ABLIM1: variants seen among roughly 807,000 people sequenced by gnomAD.
ABLIM1 encodes actin-binding LIM protein 1.
A neutral mutation model predicts 107.0 loss-of-function variants in ABLIM1; 40 were observed. The observed-to-expected ratio is 0.37, with a 90% CI of 0.29 to 0.49. The LOEUF (loss-of-function observed/expected upper bound fraction) is 0.49, where lower values mean the gene tolerates loss of function less well. Among genes scored for constraint, ABLIM1 ranks in the 20% least tolerant of loss-of-function variants. The pLI, the probability that ABLIM1 is intolerant of heterozygous loss-of-function variation, is 0.97. For missense variants in ABLIM1, 857 were observed against 1,008.5 expected (o/e 0.85, Z 2.04); for synonymous variants, 357 against 357.3 (o/e 1.00, Z 0.01).
intron 4 of ABLIM1, among the ~76,000 whole-genome samples, chr10:114,561,488 A>C (rs2069691523): frequency 6.6e-6 from 1 of 152,236 alleles, no homozygotes; most frequent in Non-Finnish European, 1.5e-5. Context: ...TGGGAAATAC[A>C]CTAAAAATCA....
At chr10:114,744,078 G>T (rs930459817) in intron 1 of ABLIM1, among the ~76,000 whole-genome samples, 2 of 152,204 alleles carry the variant, frequency 1.3e-5, no homozygotes, top group African/African-American at 4.8e-5. Context: ...AGAAGCAGAA[G>T]TTTCGTGATG....
At chr10:114,783,065 T>C in the ABLIM1 span, among the ~76,000 whole-genome samples, 1 of 151,974 alleles carries the variant, frequency 6.6e-6, no homozygotes, top group African/African-American at 2.4e-5. Flanking sequence ...ATGGATCACT[T>C]GATGTCAGGT....
At chr10:114,455,791 A>G (rs1209468252) in intron 12 of ABLIM1, among the ~76,000 whole-genome samples, 1 of 151,758 alleles carries the variant, frequency 6.6e-6, no homozygotes, top group Non-Finnish European at 1.5e-5. Context: ...CTTAATATCA[A>G]CAGGTTACAG....
chr10:114,508,084 C>T (rs928401847), intron 6 of ABLIM1, among the ~76,000 whole-genome samples: 1 of 152,232 alleles, frequency 6.6e-6, no homozygotes, highest in Non-Finnish European at 1.5e-5. Context: ...CTCAGAAACC[C>T]TTTACTGAGC....
chr10:114,442,444 G>A (rs2060328969), intron 17 of ABLIM1, among the ~76,000 whole-genome samples: 1 of 152,172 alleles, frequency 6.6e-6, no homozygotes, highest in African/African-American at 2.4e-5. Flanking sequence ...CTCCGGACAT[G>A]GTGTTTAATC....
At chr10:114,674,291 A>G (rs1331882939) in intron 1 of ABLIM1, among the ~76,000 whole-genome samples, 1 of 114,136 alleles carries the variant, frequency 8.8e-6, no homozygotes, top group East Asian at 1.1e-3. Context: ...CTCTGTCACA[A>G]AAAAAAAAAA....
chr10:114,799,482 C>G, the ABLIM1 span, among the ~76,000 whole-genome samples: 1 of 152,086 alleles, frequency 6.6e-6, no homozygotes, highest in African/African-American at 2.4e-5. Context: ...AACTCTTGAT[C>G]CCCCCCTCCA....
At chr10:114,718,730 C>T (rs74158044) in intron 1 of ABLIM1, among the ~76,000 whole-genome samples, 8,255 of 152,238 alleles carry the variant, frequency 0.054, 349 homozygotes, top group African/African-American at 0.11. Flanking sequence ...AACAATGCTC[C>T]CATTTTTGCC....
Position 114,456,575 on chromosome 10 carries a change from G to A in ABLIM1, c.1442-3092C>T, listed in dbSNP as rs560138501. On this transcript the variant is annotated intron_variant, in intron 12 of 22. Transcript: ENST00000533213. ...ATCAGATGTTTCCAGGAAAGTTCTC[G>A]TAGGTTTTGGTTATAATACACAATC... 1.5e-4 allele frequency among the ~76,000 whole-genome samples: 23 copies of A among 152,244 alleles called. No homozygotes were observed. In the East Asian group the frequency reaches 2.1e-3, roughly 14 times the overall value.
chr10:114,784,031 A>G, the ABLIM1 span, among the ~76,000 whole-genome samples: 1 of 151,984 alleles, frequency 6.6e-6, no homozygotes, highest in East Asian at 1.9e-4. Flanking sequence ...TGAGGGTAAG[A>G]AAGGACAATG....
At chr10:114,685,653 T>G (rs1309034793), upstream of ABLIM1, among the ~76,000 whole-genome samples, 2 of 152,154 alleles carry the variant, frequency 1.3e-5, no homozygotes, top group Non-Finnish European at 2.9e-5. Flanking sequence ...AGACAAAGAA[T>G]CACAACTGGA....
intron 1 of ABLIM1, among the ~76,000 whole-genome samples, chr10:114,650,980 A>G (rs985996357): frequency 6.6e-6 from 1 of 152,170 alleles, no homozygotes; most frequent in African/African-American, 2.4e-5. Flanking sequence ...GAGAAAACTA[A>G]GGCTCGGACA....
chr10:114,696,663 T>C (rs999661955), intron 1 of ABLIM1, among the ~76,000 whole-genome samples: 5 of 152,146 alleles, frequency 3.3e-5, no homozygotes, highest in Non-Finnish European at 7.4e-5. Flanking sequence ...GCTCTCATTC[T>C]CTCTTGCCTG....
chr10:114,625,994 T>C (rs1462263698), intron 1 of ABLIM1, among the ~76,000 whole-genome samples: 2 of 152,170 alleles, frequency 1.3e-5, no homozygotes, highest in African/African-American at 4.8e-5. Flanking sequence ...TAAAATAAGA[T>C]TGGCTTAGAA....
chr10:114,553,066 T>C (rs961856121), intron 4 of ABLIM1, among the ~76,000 whole-genome samples: 5 of 150,686 alleles, frequency 3.3e-5, no homozygotes, highest in African/African-American at 1.2e-4. Flanking sequence ...TGGGCACCTA[T>C]GTTCTCCTTG....
At chr10:114,465,953 T>C in intron 11 of ABLIM1, 126 bp from the exon 12 acceptor site, 1 of 1,107,944 alleles carries the variant, frequency 9.0e-7, no homozygotes, top group South Asian at 1.7e-5. Context: ...ATGCACTTAT[T>C]TTTATGTGCA....
intron 1 of ABLIM1, among the ~76,000 whole-genome samples, chr10:114,625,193 C>T (rs529033146): frequency 1.3e-5 from 2 of 152,188 alleles, no homozygotes; most frequent in South Asian, 2.1e-4. Flanking sequence ...AACTTCAACC[C>T]GTGGCTAGGA....
intron 1 of ABLIM1, among the ~76,000 whole-genome samples, chr10:114,654,205 A>G (rs2079385243): frequency 6.6e-6 from 1 of 152,226 alleles, no homozygotes; most frequent in African/African-American, 2.4e-5. Context: ...TGGGAATCCC[A>G]CGTCCTGTGC....
intron 2 of ABLIM1, among the ~76,000 whole-genome samples, chr10:114,598,026 C>T (rs1224891655): frequency 6.6e-6 from 1 of 152,166 alleles, no homozygotes; most frequent in Non-Finnish European, 1.5e-5. Context: ...AATCCCAGCA[C>T]TTTGGAAGGC....
Sources: gnomAD v4.1 joint callset for allele counts (sites outside exome capture counted in the v4.1 genomes callset) on GRCh38, gnomAD v4.1.1 for gene constraint, MANE v1.5 for transcripts, NCBI Gene and HGNC (gene_info 2026-07-23, HGNC 2026-07-21) for gene names.